Variants in EYS observed in about 807,000 individuals in gnomAD.
EYS encodes EGF-like photoreceptor maintenance factor.
EYS carries 250 observed loss-of-function variants against 282.1 expected under a neutral mutation model. That is an observed-to-expected ratio of 0.89 (90% CI 0.80 to 0.98). EYS has a LOEUF of 0.98. Among genes scored for constraint, EYS ranks in the 50% least tolerant of loss-of-function variants. The probability of loss-of-function intolerance (pLI) is 0.00; values close to 1 mark genes in which losing one functional copy is unlikely to be tolerated. For synonymous variants in EYS, 1,355 were observed against 1,282.9 expected (o/e 1.06, Z -1.20); for missense variants, 4,016 against 3,709.0 (o/e 1.08, Z -2.15).
At chr6:63,777,106 A>G (rs1233014051) in intron 40 of EYS, among the ~76,000 whole-genome samples, 1 of 152,186 alleles carries the variant, frequency 6.6e-6, no homozygotes, top group Non-Finnish European at 1.5e-5. Context: ...CCATGGGTTG[A>G]GTCAAACTAT....
At chr6:65,391,737 C>T (rs1202693839) in intron 7 of EYS, among the ~76,000 whole-genome samples, 1 of 152,036 alleles carries the variant, frequency 6.6e-6, no homozygotes, top group Admixed American at 6.6e-5. Context: ...TGAAAATGGC[C>T]ATACTGCCCA....
chr6:64,296,569 TATATATATATATATACATATA>T (rs1561913636), intron 30 of EYS, among the ~76,000 whole-genome samples: 3 of 6,834 alleles, frequency 4.4e-4, no homozygotes, highest in African/African-American at 2.3e-3. Context: ...TATATATATA[TATATATATATATATACATATA>T]TATATATATT....
At chr6:65,342,737 A>G (rs1770244600) in intron 10 of EYS, among the ~76,000 whole-genome samples, 1 of 150,662 alleles carries the variant, frequency 6.6e-6, no homozygotes, top group South Asian at 2.1e-4. Context: ...ATGTGTAATC[A>G]TAAAGTAATA....
rs1404101496 is a variant in EYS, at chr6:64,230,587, A to G, written c.6424+5T>C. Reference sequence around the variant, plus strand: ...AAATACAAAAGGGTAATGAAGATTGATTACCTTTTTCACAGAAGCGGCCAG... The same window carrying G: ...AAATACAAAAGGGTAATGAAGATTGGTTACCTTTTTCACAGAAGCGGCCAG... On this transcript the variant is annotated splice_donor_5th_base_variant and intron_variant, in intron 31 of 42. Transcript: ENST00000503581. 1.3e-6 allele frequency: 2 copies of G among 1,539,996 alleles called. No homozygotes were observed. Among genetic ancestry groups the G allele is most frequent in the Non-Finnish European group, 1.8e-6 (2 of 1,137,032 alleles).
intron 12 of EYS, among the ~76,000 whole-genome samples, chr6:65,114,353 GAAA>G (rs779655768): frequency 7.2e-6 from 1 of 138,126 alleles, no homozygotes; most frequent in Non-Finnish European, 1.6e-5. Flanking sequence ...AAGTAGATTT[GAAA>G]AAAAAAAAAG....
At chr6:65,626,840 T>C (rs901530571) in intron 2 of EYS, among the ~76,000 whole-genome samples, 1 of 151,946 alleles carries the variant, frequency 6.6e-6, no homozygotes, top group South Asian at 2.1e-4. Flanking sequence ...GTTTTATGTA[T>C]TGTATGGACT....
chr6:65,031,000 T>C (rs1051016713), intron 13 of EYS, among the ~76,000 whole-genome samples: 3 of 151,982 alleles, frequency 2.0e-5, no homozygotes, highest in Non-Finnish European at 4.4e-5. Flanking sequence ...GAGGTTGCTA[T>C]TCTAATTTCA....
At chr6:64,192,323 C>G (rs948916941) in intron 31 of EYS, among the ~76,000 whole-genome samples, 1 of 152,002 alleles carries the variant, frequency 6.6e-6, no homozygotes, top group Middle Eastern at 3.2e-3. Context: ...TGAAGAAGCT[C>G]TTTAGTTTAA....
chr6:64,334,093 G>C (rs1297317537), intron 29 of EYS, among the ~76,000 whole-genome samples: 1 of 152,174 alleles, frequency 6.6e-6, no homozygotes, highest in Admixed American at 6.5e-5. Context: ...ATATTTTGAA[G>C]AATCCAAGAA....
intron 2 of EYS, among the ~76,000 whole-genome samples, chr6:65,587,640 G>A (rs1765099057): frequency 6.6e-6 from 1 of 152,084 alleles, no homozygotes; most frequent in Non-Finnish European, 1.5e-5. Context: ...CATTGGCAGT[G>A]TGAGAATGGA....
chr6:64,786,536 C>T (rs577371735), intron 22 of EYS, among the ~76,000 whole-genome samples: 1 of 152,210 alleles, frequency 6.6e-6, no homozygotes, highest in African/African-American at 2.4e-5. Context: ...ATGTTGCCAG[C>T]AACATGTGGG....
Position 65,066,514 on chromosome 6 carries a change from G to T in EYS, c.2024-8787C>A, listed in dbSNP as rs1773751342. On this transcript the variant is annotated intron_variant, in intron 12 of 42. Coordinates refer to ENST00000503581, the MANE Select transcript of EYS (RefSeq NM_001142800.2). ...CAGGAGCTTATTAGGCATGTCATCA[G>T]AGTTGAAAGAAAAAGTACAACAGAC... is the stretch of plus-strand genomic sequence containing the variant. Among the ~76,000 whole-genome samples, 3 of 152,116 alleles carry T rather than the reference G, an allele frequency of 2.0e-5. No individual in the cohort carries two copies. The South Asian group carries it at 6.2e-4, about 32-fold the overall frequency.
chr6:65,045,397 C>T (rs1188939472), intron 13 of EYS, among the ~76,000 whole-genome samples: 1 of 151,820 alleles, frequency 6.6e-6, no homozygotes, highest in Non-Finnish European at 1.5e-5. Context: ...CACTCCACAG[C>T]CCCGAATTTT....
intron 41 of EYS, among the ~76,000 whole-genome samples, chr6:63,751,779 GA>G (rs1769345117): frequency 1.3e-5 from 2 of 152,090 alleles, no homozygotes; most frequent in Non-Finnish European, 1.5e-5. Context: ...ATCAATTATA[GA>G]AAAAATAAAA....
intron 35 of EYS, among the ~76,000 whole-genome samples, chr6:63,979,502 AGTGTCT>A: frequency 6.6e-6 from 1 of 152,056 alleles, no homozygotes; most frequent in South Asian, 2.1e-4. Context: ...ATTTGAAATT[AGTGTCT>A]CAATAATTAT....
chr6:64,055,155 C>A (rs1270953512), intron 33 of EYS, among the ~76,000 whole-genome samples: 2 of 152,130 alleles, frequency 1.3e-5, no homozygotes, highest in Non-Finnish European at 1.5e-5. Flanking sequence ...CAAGCAAGAA[C>A]CTTCAAAGAC....
intron 2 of EYS, among the ~76,000 whole-genome samples, chr6:65,588,922 C>A (rs1017422682): frequency 6.6e-6 from 1 of 151,886 alleles, no homozygotes; most frequent in Non-Finnish European, 1.5e-5. Flanking sequence ...ATCTTAGAGG[C>A]AAATCAATGA....
chr6:65,433,749 G>A (rs1279187854), intron 5 of EYS, among the ~76,000 whole-genome samples: 3 of 152,134 alleles, frequency 2.0e-5, no homozygotes, highest in African/African-American at 7.2e-5. Context: ...ACCAAGTAAT[G>A]ACTTTAACAT....
intron 29 of EYS, among the ~76,000 whole-genome samples, chr6:64,308,417 G>T (rs1769540992): frequency 6.6e-6 from 1 of 152,022 alleles, no homozygotes; most frequent in Non-Finnish European, 1.5e-5. Context: ...AAAAGGGAAA[G>T]TAAAAGTGAA....
Sources: allele counts gnomAD v4.1 joint callset (sites outside exome capture counted in the v4.1 genomes callset), GRCh38; gene constraint gnomAD v4.1.1; transcripts MANE v1.5; gene names NCBI Gene and HGNC (gene_info 2026-07-23, HGNC 2026-07-21).